PRKN: variants seen among roughly 807,000 people sequenced by gnomAD.
The protein encoded by PRKN is E3 ubiquitin-protein ligase parkin.
Under a neutral mutation model 59.5 loss-of-function variants are expected in PRKN, and 56 were observed. The observed-to-expected ratio is 0.94, with a 90% CI of 0.76 to 1.18. The LOEUF (loss-of-function observed/expected upper bound fraction) is 1.18. Among genes scored for constraint, PRKN ranks in the 50% most tolerant of loss-of-function variants. The pLI, the probability that PRKN is intolerant of heterozygous loss-of-function variation, is 0.00. For synonymous variants in PRKN, 250 were observed against 222.1 expected, an observed-to-expected ratio of 1.13 and a Z score of -1.12; for missense variants, 657 against 596.4, an observed-to-expected ratio of 1.10 and a Z score of -1.06.
In PRKN at chr6:161,355,731, A is replaced by G. The variant is rs745307668; in HGVS notation, c.1285+4357T>C. On this transcript the variant is annotated intron_variant, in intron 11 of 11. Transcript: ENST00000366898. This position sits in a 1 kb window ranked among gnomAD's most constrained non-coding sequence, Gnocchi z 6.8. ...TACAAGCTAAGTTTTAATTCAGCAA[A>G]TATTTTTTGTCCGGGCTCTCTTCTG... 2.0e-5 allele frequency among the ~76,000 whole-genome samples: 3 copies of G among 152,152 alleles called. No homozygotes were observed. The highest frequency in any genetic ancestry group is 6.5e-5 in the Admixed American group (1 of 15,282).
At chr6:162,113,516 G>GT (rs1413970366) in intron 4 of PRKN, among the ~76,000 whole-genome samples, 1 of 150,650 alleles carries the variant, frequency 6.6e-6, no homozygotes, top group Non-Finnish European at 1.5e-5. Context: ...GTCAATGAAG[G>GT]GAGAGGGATA....
chr6:162,274,106 G>A (rs1158348996), intron 2 of PRKN, among the ~76,000 whole-genome samples: 3 of 151,986 alleles, frequency 2.0e-5, no homozygotes, highest in Non-Finnish European at 2.9e-5. Context: ...ATCCAAACAA[G>A]TCCATATTTT....
chr6:162,481,841 T>TA (rs1376993430), intron 1 of PRKN, among the ~76,000 whole-genome samples: 4 of 152,212 alleles, frequency 2.6e-5, no homozygotes, highest in Non-Finnish European at 5.9e-5. Context: ...TTGTGTCCTT[T>TA]ATATGGGCCA....
chr6:162,427,644 GTTT>G (rs1219394770), intron 2 of PRKN, among the ~76,000 whole-genome samples: 1 of 144,208 alleles, frequency 6.9e-6, no homozygotes, highest in Non-Finnish European at 1.5e-5. Flanking sequence ...GTAAATAAAT[GTTT>G]TTTTTTCTTT....
chr6:162,476,582 A>G (rs1204888029), intron 1 of PRKN, among the ~76,000 whole-genome samples: 3 of 152,184 alleles, frequency 2.0e-5, no homozygotes, highest in African/African-American at 7.2e-5. Flanking sequence ...AACTGTGGAA[A>G]AGAAAACAGG....
intron 1 of PRKN, chr6:162,571,131 C>T (rs75289248): frequency 0.22 from 34,259 of 152,808 alleles, 4,629 homozygotes; most frequent in African/African-American, 0.38. Flanking sequence ...CAAGGCCAGC[C>T]TAGCCAACAT....
intron 7 of PRKN, among the ~76,000 whole-genome samples, chr6:161,654,424 G>A (rs1416831722): frequency 6.6e-6 from 1 of 152,118 alleles, no homozygotes; most frequent in Non-Finnish European, 1.5e-5. Flanking sequence ...TGATGACACA[G>A]CAAAGTCTCC....
intron 1 of PRKN, among the ~76,000 whole-genome samples, chr6:162,617,869 T>C (rs1392883317): frequency 2.0e-5 from 3 of 152,154 alleles, no homozygotes; most frequent in Non-Finnish European, 2.9e-5. Context: ...GCACTTACTA[T>C]ATTCAGGCAC....
rs188325033 is a variant in PRKN, at chr6:162,134,905, C to A, written c.534+66226G>T. 2.6e-4 allele frequency among the ~76,000 whole-genome samples: 40 copies of A among 152,166 alleles called. 1 individual carries two copies. In the East Asian group the frequency reaches 3.9e-3, roughly 15 times the overall value. On this transcript the variant is annotated intron_variant, in intron 4 of 11. Transcript: ENST00000366898. Reference sequence around the variant, plus strand: ...GAGCTATTTTTACACGAGAAAAAATCCCAAGGTTTAATCGAAACTGTTCAT... The same window carrying A: ...GAGCTATTTTTACACGAGAAAAAATACCAAGGTTTAATCGAAACTGTTCAT...
chr6:161,731,808 T>A lies in PRKN; in HGVS notation c.871+53964A>T, dbSNP rs1328818329. ...TCTAAGCAGCAAGCTACAATTAACA[T>A]GGAAGACAAATTGTGAGCACAACTG... On this transcript the variant is annotated intron_variant, in intron 7 of 11. Transcript: ENST00000366898. Among the ~76,000 whole-genome samples the A allele has an allele frequency of 2.6e-5, 4 of 152,180 alleles. No homozygotes were observed. In the East Asian group the frequency reaches 7.7e-4, roughly 29 times the overall value.
At chr6:161,472,206 G>A (rs1790826850) in intron 9 of PRKN, among the ~76,000 whole-genome samples, 1 of 152,122 alleles carries the variant, frequency 6.6e-6, no homozygotes, top group Admixed American at 6.5e-5. Context: ...ATTTTAGCTA[G>A]ATATAAAGAA....
intron 7 of PRKN, among the ~76,000 whole-genome samples, chr6:161,760,089 T>G (rs1035253888): frequency 7.5e-6 from 1 of 133,968 alleles, no homozygotes. Context: ...AAAAAAAAAA[T>G]CCGGTGGTCA....
chr6:162,593,456 T>A lies in PRKN; in HGVS notation c.7+134206A>T, dbSNP rs1478905864. ...GCCATTCCATCAAACTTATAAACTT[T>A]ATTTATATATTCCTCATGTGAAACT... On this transcript the variant is annotated intron_variant, in intron 1 of 11. Transcript: ENST00000366898. Among the ~76,000 whole-genome samples the A allele has an allele frequency of 1.3e-5, 2 of 152,318 alleles. 1 individual carries two copies. Among genetic ancestry groups the A allele is most frequent in the Non-Finnish European group, 2.9e-5 (2 of 68,032 alleles).
Position 161,525,584 on chromosome 6 carries a change from T to C in PRKN, c.1083+23270A>G, listed in dbSNP as rs1778987303. ...ATCAGAAAGCAAAGAGAGGAAAAGT[T>C]TAGTTTATGAGAAGGCTGTAGGAGG... On this transcript the variant is annotated intron_variant, in intron 9 of 11. Transcript: ENST00000366898. The surrounding 1 kb of genome is among the most constrained non-coding windows in gnomAD (Gnocchi z 4.7). Among the ~76,000 whole-genome samples, 1 of 152,072 alleles carries C rather than the reference T, an allele frequency of 6.6e-6. No individual in the cohort carries two copies. The highest frequency in any genetic ancestry group is 2.1e-4 in the South Asian group (1 of 4,796).
intron 9 of PRKN, among the ~76,000 whole-genome samples, chr6:161,394,458 C>G (rs1464651995): frequency 2.6e-5 from 4 of 152,174 alleles, no homozygotes; most frequent in Non-Finnish European, 4.4e-5. Flanking sequence ...CACCCTGCAG[C>G]CCTAGGCTTA....
intron 2 of PRKN, among the ~76,000 whole-genome samples, chr6:162,279,854 T>C (rs1333348090): frequency 1.3e-5 from 2 of 152,318 alleles, no homozygotes; most frequent in Non-Finnish European, 2.9e-5. Context: ...ATATGGGTGC[T>C]GCTGTATTGG....
intron 2 of PRKN, among the ~76,000 whole-genome samples, chr6:162,413,754 C>T (rs74892485): frequency 0.071 from 10,827 of 152,190 alleles, 547 homozygotes; most frequent in Middle Eastern, 0.11. Context: ...AGGAGTAGAC[C>T]ATAGACATCA....
chr6:162,584,246 C>CAAAAAAA (rs55738318), intron 1 of PRKN, among the ~76,000 whole-genome samples: 3 of 117,072 alleles, frequency 2.6e-5, no homozygotes, highest in Admixed American at 8.2e-5. Flanking sequence ...AAACAAAAAA[C>CAAAAAAA]AAAAAAAAAA....
At chr6:162,209,397 C>T (rs1785094571) in intron 3 of PRKN, among the ~76,000 whole-genome samples, 2 of 152,156 alleles carry the variant, frequency 1.3e-5, no homozygotes, top group South Asian at 4.1e-4. Context: ...ATCAAAACCA[C>T]AATGAGATAC....
Sources: gnomAD v4.1 joint callset for allele counts (sites outside exome capture counted in the v4.1 genomes callset) on GRCh38, gnomAD v4.1.1 for gene constraint, Gnocchi (gnomAD v3.1) non-coding constraint, MANE v1.5 for transcripts, NCBI Gene and HGNC (gene_info 2026-07-23, HGNC 2026-07-21) for gene names.